BNC2: variants seen among roughly 807,000 people sequenced by gnomAD.
BNC2 encodes the protein zinc finger protein basonuclin-2.
In BNC2, 20 loss-of-function variants were observed where a neutral mutation model predicts 76.3. That is an observed-to-expected ratio of 0.26 (90% CI 0.18 to 0.38). The LOEUF is 0.38. Ranked by LOEUF, BNC2 falls within the 10% of genes least tolerant of loss-of-function variation. The pLI is 1.00. For missense variants in BNC2, 1,382 were observed against 1,399.8 expected (o/e 0.99, Z 0.20); for synonymous variants, 582 against 514.8 (o/e 1.13, Z -1.77).
rs1007637716 is a variant in BNC2, at chr9:16,665,688, T to C, written c.330+62109A>G. ...TATGAAAATGCATAATGCAAGTTAA[T>C]TTTCTAATCAGAACAAAATTTATTT... On this transcript the variant is annotated intron_variant, in intron 3 of 6. Coordinates refer to ENST00000380672, the MANE Select transcript of BNC2 (RefSeq NM_017637.6). 3.9e-5 allele frequency among the ~76,000 whole-genome samples: 6 copies of C among 152,292 alleles called. No individual in the cohort carries two copies. In the East Asian group the frequency reaches 1.2e-3, roughly 29 times the overall value.
intron 1 of BNC2, among the ~76,000 whole-genome samples, chr9:16,780,243 A>AC (rs1826103204): frequency 1.8e-5 from 2 of 111,214 alleles, no homozygotes; most frequent in Admixed American, 9.9e-5. Context: ...TTCAAAAAAA[A>AC]AAAAAAAAAA....
intron 3 of BNC2, among the ~76,000 whole-genome samples, chr9:16,617,163 G>A (rs1320417707): frequency 6.6e-6 from 1 of 152,110 alleles, no homozygotes; most frequent in East Asian, 1.9e-4. Flanking sequence ...TCAGTTTACT[G>A]TCAAGTCCAC....
chr9:16,468,351 A>G (rs1587063599), intron 5 of BNC2, among the ~76,000 whole-genome samples: 1 of 151,402 alleles, frequency 6.6e-6, no homozygotes, highest in Non-Finnish European at 1.5e-5. Context: ...TTTGTTTTCC[A>G]CCAAGTATTC....
chr9:16,845,915 C>G (rs1218668933), intron 1 of BNC2, among the ~76,000 whole-genome samples: 1 of 151,850 alleles, frequency 6.6e-6, no homozygotes, highest in East Asian at 1.9e-4. Flanking sequence ...TTTGGGAGGC[C>G]GAGACGGGCG....
intron 1 of BNC2, among the ~76,000 whole-genome samples, chr9:16,766,241 C>G (rs1214588057): frequency 6.6e-6 from 1 of 152,146 alleles, no homozygotes. Context: ...TGTGATATAT[C>G]ATACTTATCT....
At chr9:16,766,325 G>A (rs1319478911) in intron 1 of BNC2, among the ~76,000 whole-genome samples, 1 of 152,092 alleles carries the variant, frequency 6.6e-6, no homozygotes, top group African/African-American at 2.4e-5. Context: ...GGAGGGATGA[G>A]GGGAATCCTC....
intron 3 of BNC2, among the ~76,000 whole-genome samples, chr9:16,648,769 A>C (rs1175461786): frequency 6.6e-6 from 1 of 152,198 alleles, no homozygotes; most frequent in East Asian, 1.9e-4. Flanking sequence ...CACATTAGAC[A>C]ATCTTGCAAA....
intron 1 of BNC2, among the ~76,000 whole-genome samples, chr9:16,744,018 G>T (rs913100117): frequency 2.6e-5 from 4 of 152,016 alleles, no homozygotes; most frequent in African/African-American, 9.7e-5. Flanking sequence ...CCAGGCTGGA[G>T]TGCAGTGGCG....
chr9:16,856,938 T>A (rs1361106166), intron 1 of BNC2, among the ~76,000 whole-genome samples: 1 of 152,196 alleles, frequency 6.6e-6, no homozygotes, highest in East Asian at 1.9e-4. Context: ...GCAAATGTAT[T>A]GTTTCAGTTA....
chr9:16,573,937 T>C (rs1166197622), intron 4 of BNC2, among the ~76,000 whole-genome samples: 1 of 152,206 alleles, frequency 6.6e-6, no homozygotes, highest in East Asian at 1.9e-4. Context: ...TTCAGAGTTA[T>C]CTTTGAAATA....
At chr9:16,806,203 C>A (rs1475143537) in intron 1 of BNC2, among the ~76,000 whole-genome samples, 1 of 152,128 alleles carries the variant, frequency 6.6e-6, no homozygotes, top group Non-Finnish European at 1.5e-5. Context: ...AGGCCAGGCA[C>A]AGTAGCTCAT....
rs151283809 is a variant in BNC2 at position 16,834,723 on chromosome 9, T to C, written c.3+35923A>G. On this transcript the variant is annotated intron_variant, in intron 1 of 6. Transcript: ENST00000380672. ...TAAGTGATTTTTAGTCTTTTTTCTC[T>C]ATCACTGAATCCCCAGAGTCTAGTA... Among the ~76,000 whole-genome samples the C allele has an allele frequency of 4.6e-5, 7 of 152,356 alleles. No individual in the cohort carries two copies. In the South Asian group the frequency reaches 6.2e-4, roughly 14 times the overall value.
chr9:16,792,811 A>G (rs1198276115), intron 1 of BNC2, among the ~76,000 whole-genome samples: 1 of 152,272 alleles, frequency 6.6e-6, no homozygotes, highest in Non-Finnish European at 1.5e-5. Context: ...CTGAAAGTTA[A>G]TAACATTGTT....
At chr9:16,665,129 A>T (rs772955729) in intron 3 of BNC2, 73 of 452,700 alleles carry the variant, frequency 1.6e-4, no homozygotes, top group Non-Finnish European at 3.0e-4. Context: ...AGCACTTTGG[A>T]AGTCCAAGAC....
At chr9:16,693,127 C>CAAAAAAAA (rs34223075) in intron 3 of BNC2, among the ~76,000 whole-genome samples, 2 of 60,466 alleles carry the variant, frequency 3.3e-5, no homozygotes, top group African/African-American at 7.6e-5. Context: ...AAGACAGTCT[C>CAAAAAAAA]AAAAAAAAAA....
chr9:16,827,584 G>C (rs1818483785), intron 1 of BNC2, among the ~76,000 whole-genome samples: 1 of 152,172 alleles, frequency 6.6e-6, no homozygotes, highest in Non-Finnish European at 1.5e-5. Context: ...TATAAACTTT[G>C]TTGTTCATGG....
chr9:16,582,655 G>C (rs1395050475), intron 4 of BNC2, among the ~76,000 whole-genome samples: 3 of 152,182 alleles, frequency 2.0e-5, no homozygotes, highest in African/African-American at 7.2e-5. Flanking sequence ...GGCCCTGAAA[G>C]GCCAACTGTG....
intron 1 of BNC2, among the ~76,000 whole-genome samples, chr9:16,793,854 GTTTTT>G (rs1817577663): frequency 2.3e-5 from 2 of 85,624 alleles, no homozygotes; most frequent in African/African-American, 3.2e-5. Flanking sequence ...GTTTTTTGTG[GTTTTT>G]GTTTTTTTGT....
chr9:16,832,766 A>G (rs1430506779), intron 1 of BNC2, among the ~76,000 whole-genome samples: 1 of 151,510 alleles, frequency 6.6e-6, no homozygotes, highest in African/African-American at 2.4e-5. Context: ...TCGCTCTGTC[A>G]CCAGGCCGGA....
Sources: gnomAD v4.1 joint callset for allele counts (sites outside exome capture counted in the v4.1 genomes callset) on GRCh38, gnomAD v4.1.1 for gene constraint, MANE v1.5 for transcripts, NCBI Gene and HGNC (gene_info 2026-07-23, HGNC 2026-07-21) for gene names.